Variants in SPTLC2 observed in about 807,000 individuals in gnomAD.
SPTLC2 encodes the protein serine palmitoyltransferase 2.
A neutral mutation model predicts 62.0 loss-of-function variants in SPTLC2; 21 were observed. The observed-to-expected ratio is 0.34, with a 90% CI of 0.24 to 0.49. The LOEUF is 0.49. Ranked by LOEUF, SPTLC2 falls within the 20% of genes least tolerant of loss-of-function variation. The probability of loss-of-function intolerance (pLI) is 0.99; values close to 1 mark genes in which losing one functional copy is unlikely to be tolerated. For missense variants in SPTLC2, 511 were observed against 713.0 expected (o/e 0.72, Z 3.23); for synonymous variants, 261 against 261.8 (o/e 1.00, Z 0.03).
intron 1 of SPTLC2, among the ~76,000 whole-genome samples, chr14:77,602,860 C>T (rs2079885547): frequency 6.6e-6 from 1 of 151,888 alleles, no homozygotes; most frequent in African/African-American, 2.4e-5. Context: ...AGGCATGAGC[C>T]ACTGTGCCCA....
chr14:77,610,992 CAAAAA>C (rs61504970), intron 1 of SPTLC2, among the ~76,000 whole-genome samples: 2 of 106,882 alleles, frequency 1.9e-5, no homozygotes, highest in Non-Finnish European at 3.6e-5. Context: ...CCCATCTCTA[CAAAAA>C]AAAAAAAAAA....
At chr14:77,593,139 G>A (rs2140053007) in intron 2 of SPTLC2, among the ~76,000 whole-genome samples, 1 of 151,918 alleles carries the variant, frequency 6.6e-6, no homozygotes, top group East Asian at 1.9e-4. Context: ...AAAAATAAGT[G>A]AGAATGTGGT....
chr14:77,522,576 G>A (rs2079390005), intron 9 of SPTLC2, among the ~76,000 whole-genome samples: 1 of 152,084 alleles, frequency 6.6e-6, no homozygotes, highest in Admixed American at 6.6e-5. Flanking sequence ...TAAAACACAC[G>A]TTTCTGTCTG....
In SPTLC2 at chr14:77,510,180, GTC is replaced by G. The variant is rs2079325342; in HGVS notation, c.*2102_*2103del. The G allele has an allele frequency of 2.7e-6, 1 of 375,292 alleles. No individual in the cohort carries two copies. Among genetic ancestry groups the G allele is most frequent in the Middle Eastern group, 6.9e-4 (1 of 1,448 alleles). 23.2% of individuals were successfully genotyped at this position (375,292 alleles called of 1,614,324 possible). ...CTTTAACCTATACATGCTAAATATA[GTC>G]TCTGCATCTCTCCTTGGTTCTTTCA... On this transcript the variant is annotated 3_prime_UTR_variant, in exon 12 of 12. Coordinates refer to ENST00000216484, the MANE Select transcript of SPTLC2 (RefSeq NM_004863.4).
intron 7 of SPTLC2, among the ~76,000 whole-genome samples, chr14:77,556,297 A>G (rs1368040888): frequency 6.6e-6 from 1 of 151,552 alleles, no homozygotes; most frequent in Non-Finnish European, 1.5e-5. Flanking sequence ...TGGGTGACAC[A>G]GCGAGATTCC....
At chr14:77,610,974 T>C (rs1201318650) in intron 1 of SPTLC2, among the ~76,000 whole-genome samples, 1 of 102,500 alleles carries the variant, frequency 9.8e-6, no homozygotes, top group African/African-American at 3.9e-5. Context: ...CTGGGGAACA[T>C]AGTAAGACCC....
At chr14:77,524,396 A>G (rs1050328629) in intron 9 of SPTLC2, among the ~76,000 whole-genome samples, 1 of 151,844 alleles carries the variant, frequency 6.6e-6, no homozygotes, top group Non-Finnish European at 1.5e-5. Context: ...AAAAAAAATC[A>G]CAAACCTTTT....
intron 5 of SPTLC2, among the ~76,000 whole-genome samples, chr14:77,568,795 G>A (rs189290458): frequency 1.0e-4 from 14 of 136,302 alleles, no homozygotes; most frequent in Admixed American, 8.4e-4. Context: ...GCAAGAGAGC[G>A]AGACTCTGTC....
At chr14:77,547,477 C>A (rs2079534768) in intron 9 of SPTLC2, 1 of 152,130 alleles carries the variant, frequency 6.6e-6, no homozygotes, top group Non-Finnish European at 1.5e-5. Flanking sequence ...CTCTTTATGA[C>A]CCCCTCCCAG....
chr14:77,595,749 A>C (rs1200446895), intron 2 of SPTLC2, among the ~76,000 whole-genome samples: 1 of 152,212 alleles, frequency 6.6e-6, no homozygotes, highest in Non-Finnish European at 1.5e-5. Context: ...ATCAATGTTC[A>C]CTGGCTCGTC....
intron 9 of SPTLC2, among the ~76,000 whole-genome samples, chr14:77,534,216 A>ACG (rs1555373968): frequency 0.05 from 7,338 of 146,492 alleles, 416 homozygotes; most frequent in African/African-American, 0.11. Context: ...ACACACACAC[A>ACG]CACAAATGCA....
intron 2 of SPTLC2, among the ~76,000 whole-genome samples, chr14:77,586,002 G>C (rs1486361806): frequency 1.3e-5 from 2 of 151,990 alleles, no homozygotes; most frequent in Non-Finnish European, 2.9e-5. Flanking sequence ...CACAGCCAAG[G>C]TGGAAAAGTG....
In SPTLC2 at chr14:77,518,160, C is replaced by T; in HGVS notation, c.1447G>A (p.Gly483Arg). ...ATGTTCCGCTTCAGCATCTCCCGTC[C>T]AAAGGCGCTGCAAAGGGGAAAACAA... ...LYMPAKIGAF[G>R]REMLKRNIGV... The change falls in exon 11 of 12, where the codon GGA (glycine) becomes AGA (arginine). Residue 483 changes from glycine (G) to arginine (R), a missense_variant. Gly to Arg is a moderately radical substitution (Grantham distance 125). Coordinates refer to ENST00000216484, the MANE Select transcript of SPTLC2 (RefSeq NM_004863.4). 1 of 1,614,086 alleles carries T rather than the reference C, an allele frequency of 6.2e-7. No individual in the cohort carries two copies. Among genetic ancestry groups the T allele is most frequent in the Non-Finnish European group, 8.5e-7 (1 of 1,180,016 alleles).
chr14:77,557,979 A>C (rs557364656), intron 6 of SPTLC2, among the ~76,000 whole-genome samples: 2 of 151,914 alleles, frequency 1.3e-5, no homozygotes, highest in African/African-American at 2.4e-5. Flanking sequence ...CTTAAAAAAA[A>C]CTCCCCCAAA....
intron 9 of SPTLC2, among the ~76,000 whole-genome samples, chr14:77,524,009 G>C (rs1044989172): frequency 6.6e-6 from 1 of 152,132 alleles, no homozygotes; most frequent in Admixed American, 6.5e-5. Context: ...AGTATTAGCA[G>C]ATATGGATGT....
At chr14:77,545,257 G>C (rs1165001953) in intron 9 of SPTLC2, among the ~76,000 whole-genome samples, 1 of 145,548 alleles carries the variant, frequency 6.9e-6, no homozygotes, top group South Asian at 2.2e-4. Context: ...GCTCTTAGTA[G>C]GGTATCGGGC....
chr14:77,552,174 T>A lies in SPTLC2; in HGVS notation c.1225A>T (p.Thr409Ser). 1 of 1,614,196 alleles carries A rather than the reference T, an allele frequency of 6.2e-7. No homozygotes were observed. Among genetic ancestry groups the A allele is most frequent in the Non-Finnish European group, 8.5e-7 (1 of 1,180,044 alleles). Residue 409 changes from threonine to serine, a missense_variant, in exon 9 of 12, where the codon ACG becomes TCG. Coordinates refer to ENST00000216484, the MANE Select transcript of SPTLC2 (RefSeq NM_004863.4). Reference protein sequence around the residue: ...RTHSHSAVYATSLSPPVVEQI... With the variant: ...RTHSHSAVYASSLSPPVVEQI... The stretch of plus-strand genomic sequence containing the variant: ...TCCACTACAGGAGGTGACAATGACG[T>A]GGCATACACTGCACTATGAGAATGT...
intron 9 of SPTLC2, among the ~76,000 whole-genome samples, chr14:77,537,462 AT>A (rs1353616625): frequency 6.6e-6 from 1 of 152,122 alleles, no homozygotes; most frequent in Non-Finnish European, 1.5e-5. Context: ...ATACTGTTAT[AT>A]TTTTTTCCCT....
intron 2 of SPTLC2, among the ~76,000 whole-genome samples, chr14:77,581,884 T>C (rs2079753248): frequency 6.6e-6 from 1 of 152,194 alleles, no homozygotes; most frequent in African/African-American, 2.4e-5. Context: ...TATCCAATTC[T>C]AATTAAAACT....
Sources: allele counts gnomAD v4.1 joint callset (sites outside exome capture counted in the v4.1 genomes callset), GRCh38; gene constraint gnomAD v4.1.1; transcripts MANE v1.5; gene names NCBI Gene and HGNC (gene_info 2026-07-23, HGNC 2026-07-21).